Variants in EML5 observed in about 807,000 individuals in gnomAD.
EML5 encodes echinoderm microtubule-associated protein-like 5.
Under a neutral mutation model 250.0 loss-of-function variants are expected in EML5, and 120 were observed. The ratio of observed to expected loss-of-function variants is 0.48; its 90% CI spans 0.41 to 0.56. The LOEUF (loss-of-function observed/expected upper bound fraction) is 0.56. Ranked by LOEUF, EML5 falls within the 20% of genes least tolerant of loss-of-function variation. The pLI, the probability that EML5 is intolerant of heterozygous loss-of-function variation, is 0.00. For missense variants in EML5, 2,006 were observed against 2,437.6 expected (o/e 0.82, Z 3.73); for synonymous variants, 771 against 806.5 (o/e 0.96, Z 0.75).
Position 88,705,543 on chromosome 14 carries a change from G to T in EML5, c.1871C>A (p.Ser624Tyr). The T allele has an allele frequency of 6.2e-7, 1 of 1,603,354 alleles. No individual in the cohort carries two copies. Among genetic ancestry groups the T allele is most frequent in the Non-Finnish European group, 8.5e-7 (1 of 1,174,368 alleles). Residue 624 changes from serine to tyrosine, a missense_variant, in exon 12 of 44, where the codon TCT (serine) becomes TAT (tyrosine). Around this residue, in one of 7 missense-constraint regions of EML5, gnomAD observed 1,375 missense variants for 1,590.3 expected, o/e 0.86. Transcript: ENST00000554922. ...TTCAGAATCCAGTTCTGGAACATCAGACAGATCTGAATCTGATTCATCACT... is the reference window on the plus strand; with the variant it reads ...TTCAGAATCCAGTTCTGGAACATCATACAGATCTGAATCTGATTCATCACT... ...SHSDESDSDL[S>Y]DVPELDSEIE...
In EML5 at chr14:88,754,541, C is replaced by A; in HGVS notation, c.328G>T (p.Ala110Ser). The change falls in exon 2 of 44, where the codon GCT (alanine) becomes TCT (serine). Residue 110 changes from alanine to serine, a missense_variant. Ala to Ser is a moderately conservative substitution (Grantham distance 99). Coordinates refer to ENST00000554922, the MANE Select transcript of EML5 (RefSeq NM_183387.3). ...VLKDVHTHGIACLAFDLDGQR... is the reference protein window; with the variant it reads ...VLKDVHTHGISCLAFDLDGQR... ...CCATCTAAGTCAAACGCCAAGCAAG[C>A]TATACCATGTGTATGAACATCCTTT... The A allele has an allele frequency of 6.2e-7, 1 of 1,610,886 alleles. No homozygotes were observed. Among genetic ancestry groups the A allele is most frequent in the Non-Finnish European group, 8.5e-7 (1 of 1,178,948 alleles).
rs1566726075 is a variant in EML5 at position 88,736,552 on chromosome 14, C to G, written c.861G>C (p.Arg287Ser). 2.5e-6 allele frequency: 4 copies of G among 1,613,956 alleles called. No individual in the cohort carries two copies. Among genetic ancestry groups the G allele is most frequent in the Non-Finnish European group, 3.4e-6 (4 of 1,179,880 alleles). The change falls in exon 7 of 44, where the codon AGG becomes AGC. Residue 287 changes from arginine (R) to serine (S), a missense_variant. This residue lies in a region of EML5 where 1,375 missense variants were observed against 1,590.3 expected (regional missense o/e 0.86). Coordinates refer to ENST00000554922, the MANE Select transcript of EML5 (RefSeq NM_183387.3). ...TGTGGTCACCTCGCCAACACACACT[C>G]CTTACAGACAAACCTAGTAAAAAGT... The part of the protein sequence containing the change: ...TDQGYKGLSV[R>S]SVCWRGDHIL...
chr14:88,776,859 T>C (rs1355336508), intron 1 of EML5, among the ~76,000 whole-genome samples: 1 of 151,942 alleles, frequency 6.6e-6, no homozygotes, highest in Non-Finnish European at 1.5e-5. Flanking sequence ...CCAGCATGGG[T>C]GACAGAGCAA....
intron 1 of EML5, among the ~76,000 whole-genome samples, chr14:88,762,725 A>C (rs2094262974): frequency 6.6e-6 from 1 of 152,190 alleles, no homozygotes; most frequent in African/African-American, 2.4e-5. Context: ...TTAGCACCAT[A>C]TAGCACTTAT....
chr14:88,738,778 T>C, intron 6 of EML5, 101 bp downstream of exon 6: 3 of 1,329,524 alleles, frequency 2.3e-6, no homozygotes, highest in African/African-American at 3.0e-5. Flanking sequence ...ATAAGTCTTA[T>C]TTATATTTAC....
intron 20 of EML5, among the ~76,000 whole-genome samples, 155 bp downstream of exon 20, chr14:88,684,860 T>C (rs2141207332): frequency 6.7e-6 from 1 of 149,442 alleles, no homozygotes; most frequent in Admixed American, 6.9e-5. Context: ...ACGTTAAAAT[T>C]TTTTTCTGTA....
chr14:88,635,045 C>G lies in EML5; in HGVS notation c.4337-556G>C, dbSNP rs2090643684. Among the ~76,000 whole-genome samples the G allele has an allele frequency of 2.6e-5, 4 of 152,264 alleles. 1 individual carries two copies. Among genetic ancestry groups the G allele is most frequent in the Admixed American group, 2.6e-4 (4 of 15,292 alleles). Reference sequence around the variant, plus strand: ...TTCTTTCTTTCAACTAAAGATTTTCCATATGAGTACAAGTTTGCCAAGAAA... The same window carrying G: ...TTCTTTCTTTCAACTAAAGATTTTCGATATGAGTACAAGTTTGCCAAGAAA... On this transcript the variant is annotated intron_variant, in intron 32 of 43. Transcript: ENST00000554922.
Position 88,665,373 on chromosome 14 carries a change from T to C in EML5, c.3241A>G (p.Arg1081Gly), listed in dbSNP as rs1261714834. Reference sequence around the variant, plus strand: ...CGAATATCTGAAATCATATCTTTTCTGTGATGAAAAGACACAAGATCCTCT... The same window carrying C: ...CGAATATCTGAAATCATATCTTTTCCGTGATGAAAAGACACAAGATCCTCT... ...TLEDLVSFHH[R>G]KDMISDIRFS... Residue 1081 changes from arginine to glycine, a missense_variant, in exon 22 of 44, where the codon AGA becomes GGA. Transcript: ENST00000554922. 1.2e-6 allele frequency: 2 copies of C among 1,613,664 alleles called. No homozygotes were observed. The highest frequency in any genetic ancestry group is 2.2e-5 in the East Asian group (1 of 44,856).
At position 88,661,544 on chromosome 14, in the gene EML5, C is replaced by T. The variant is rs2092101522; in HGVS notation, c.3675+110G>A. 7.4e-6 allele frequency: 7 copies of T among 945,604 alleles called. No individual in the cohort carries two copies. In the Admixed American group the frequency reaches 1.2e-4, roughly 16 times the overall value. 58.6% of individuals were successfully genotyped at this position (945,604 alleles called of 1,614,324 possible). On this transcript the variant is annotated intron_variant, in intron 25 of 43. Transcript: ENST00000554922. ...TAATTCTGAACCTTTCATATTACAACATTACATATTACATATGTACAATTA... is the reference window on the plus strand; with the variant it reads ...TAATTCTGAACCTTTCATATTACAATATTACATATTACATATGTACAATTA...
rs767314299 is a variant in EML5 at position 88,665,921 on chromosome 14, AT to A, written c.3125-433del. 2.2e-4 allele frequency among the ~76,000 whole-genome samples: 33 copies of A among 151,816 alleles called. No homozygotes were observed. In the East Asian group the frequency reaches 2.3e-3, roughly 11 times the overall value. On this transcript the variant is annotated intron_variant, in intron 21 of 43. Transcript: ENST00000554922. ...AGACCTTGCCTCAAAAAAAAAAAAA[AT>A]ATTTGCTAAAAAGGTTGCCTCTTTA...
chr14:88,718,435 T>C (rs1439856796), intron 8 of EML5, among the ~76,000 whole-genome samples: 1 of 152,000 alleles, frequency 6.6e-6, no homozygotes, highest in East Asian at 1.9e-4. Flanking sequence ...AATTAGCCTA[T>C]GAAGAAAATG....
At chr14:88,629,492 A>G (rs1303503854) in intron 33 of EML5, among the ~76,000 whole-genome samples, 2 of 152,316 alleles carry the variant, frequency 1.3e-5, no homozygotes, top group South Asian at 2.1e-4. Context: ...AATTACTGCA[A>G]ATTTTCAGGA....
intron 1 of EML5, among the ~76,000 whole-genome samples, chr14:88,754,910 T>G (rs895444505): frequency 3.9e-5 from 6 of 152,164 alleles, no homozygotes; most frequent in Non-Finnish European, 8.8e-5. Context: ...GTTCAAGCAA[T>G]TCTTGTGTCT....
intron 4 of EML5, 53 bp downstream of exon 4, chr14:88,743,970 C>T: frequency 3.2e-6 from 4 of 1,263,862 alleles, no homozygotes; most frequent in African/African-American, 1.5e-5. Flanking sequence ...GCAATATATA[C>T]TTAGCAGCAG....
intron 21 of EML5, among the ~76,000 whole-genome samples, chr14:88,681,555 C>T (rs2092713797): frequency 6.6e-6 from 1 of 151,918 alleles, no homozygotes; most frequent in African/African-American, 2.4e-5. Flanking sequence ...TTTTTTAGTC[C>T]CCACTATGCC....
At chr14:88,683,398 A>G (rs1455169676) in intron 20 of EML5, among the ~76,000 whole-genome samples, 1 of 152,238 alleles carries the variant, frequency 6.6e-6, no homozygotes, top group Non-Finnish European at 1.5e-5. Context: ...AAAACAATAG[A>G]GCAATATGCT....
intron 19 of EML5, among the ~76,000 whole-genome samples, chr14:88,685,682 T>C (rs1001475209): frequency 2.0e-5 from 3 of 152,048 alleles, no homozygotes; most frequent in African/African-American, 7.2e-5. Context: ...ACTCCTGGGC[T>C]CAGGAGTTCC....
At chr14:88,638,933 G>A in intron 31 of EML5, 26 bp from the exon 32 acceptor site, 1 of 1,517,698 alleles carries the variant, frequency 6.6e-7, no homozygotes, top group Non-Finnish European at 8.9e-7. Flanking sequence ...TGAGAATTAA[G>A]TTTGAAAATT....
At chr14:88,791,241 A>T (rs1282570266) in intron 1 of EML5, among the ~76,000 whole-genome samples, 2 of 152,216 alleles carry the variant, frequency 1.3e-5, no homozygotes, top group Non-Finnish European at 2.9e-5. Flanking sequence ...ACTTCAAACC[A>T]AGGTACCGTA....
Sources: gnomAD v4.1 joint callset for allele counts (sites outside exome capture counted in the v4.1 genomes callset) on GRCh38, gnomAD v4.1.1 for gene constraint, gnomAD v4.1.1 regional missense constraint, MANE v1.5 for transcripts, NCBI Gene and HGNC (gene_info 2026-07-23, HGNC 2026-07-21) for gene names.